The following GPC6 variants were observed in gnomAD, a reference collection of about 807,000 sequenced individuals.
GPC6 encodes the protein glypican 6.
In GPC6, 14 loss-of-function variants were observed where a neutral mutation model predicts 55.2. The observed-to-expected ratio is 0.25, with a 90% CI of 0.17 to 0.40. The LOEUF is 0.40. Among genes scored for constraint, GPC6 ranks in the 10% least tolerant of loss-of-function variants. GPC6 has a pLI of 1.00. For missense variants in GPC6, 641 were observed against 708.5 expected, an observed-to-expected ratio of 0.90 and a Z score of 1.08; for synonymous variants, 278 against 259.6, an observed-to-expected ratio of 1.07 and a Z score of -0.68.
intron 3 of GPC6, among the ~76,000 whole-genome samples, chr13:93,888,551 T>C (rs947924059): frequency 3.9e-5 from 6 of 152,128 alleles, no homozygotes; most frequent in African/African-American, 1.4e-4. Context: ...ATCATGTGGC[T>C]AGAATATGTA....
At chr13:93,779,652 C>T (rs575142658) in intron 2 of GPC6, among the ~76,000 whole-genome samples, 2 of 152,256 alleles carry the variant, frequency 1.3e-5, no homozygotes, top group African/African-American at 4.8e-5. Context: ...CTTATGTTAG[C>T]GTCGTATGTG....
At chr13:94,098,559 T>C (rs367974860) in intron 4 of GPC6, among the ~76,000 whole-genome samples, 2 of 152,178 alleles carry the variant, frequency 1.3e-5, no homozygotes, top group Admixed American at 6.5e-5. Context: ...GGGAAGCTTC[T>C]GATTCTCCAT....
rs372284542 is a variant in GPC6 at position 93,845,907 on chromosome 13, G to A, written c.711+15362G>A. Among the ~76,000 whole-genome samples the A allele has an allele frequency of 1.7e-3, 252 of 150,892 alleles. 7 individuals are homozygous for A. The East Asian group carries it at 0.042, about 25-fold the overall frequency. ...TAGATGACGAGTTAGTGGGTGCAGC[G>A]CACCAGCATGGCACATGTATACATA... is the stretch of plus-strand genomic sequence containing the variant. On this transcript the variant is annotated intron_variant, in intron 3 of 8. Coordinates refer to ENST00000377047, the MANE Select transcript of GPC6 (RefSeq NM_005708.5).
At chr13:93,541,797 A>G (rs1330152960) in intron 1 of GPC6, among the ~76,000 whole-genome samples, 6 of 149,856 alleles carry the variant, frequency 4.0e-5, no homozygotes, top group Non-Finnish European at 1.5e-5. Context: ...GCATTTTTTC[A>G]TGTGTTTTTT....
At chr13:93,993,090 T>C (rs982069925) in intron 3 of GPC6, among the ~76,000 whole-genome samples, 1 of 152,178 alleles carries the variant, frequency 6.6e-6, no homozygotes, top group African/African-American at 2.4e-5. Context: ...TTGATTAGAT[T>C]TTTTCCTTAC....
At chr13:93,678,217 G>A (rs1335085176) in intron 2 of GPC6, among the ~76,000 whole-genome samples, 1 of 152,014 alleles carries the variant, frequency 6.6e-6, no homozygotes, top group Non-Finnish European at 1.5e-5. Flanking sequence ...TTTCTAAGGT[G>A]GCTTTATCTC....
chr13:93,691,742 A>C (rs1882263666), intron 2 of GPC6, among the ~76,000 whole-genome samples: 1 of 152,072 alleles, frequency 6.6e-6, no homozygotes, highest in Admixed American at 6.6e-5. Flanking sequence ...CTGGAAGTTG[A>C]CATTGACTAT....
chr13:94,259,505 G>A (rs1278864037), intron 4 of GPC6, among the ~76,000 whole-genome samples: 1 of 152,054 alleles, frequency 6.6e-6, no homozygotes, highest in Non-Finnish European at 1.5e-5. Flanking sequence ...AGCTTTCATT[G>A]TACTTTTCAA....
intron 4 of GPC6, among the ~76,000 whole-genome samples, chr13:94,114,621 G>T (rs1235412098): frequency 6.6e-6 from 1 of 152,050 alleles, no homozygotes; most frequent in Non-Finnish European, 1.5e-5. Context: ...TATTCCTCAG[G>T]TGTACGTATA....
chr13:94,219,730 T>C (rs905360919), intron 4 of GPC6, among the ~76,000 whole-genome samples: 4 of 152,078 alleles, frequency 2.6e-5, no homozygotes, highest in Non-Finnish European at 5.9e-5. Context: ...CTCCCCTGAT[T>C]TGGGGTCTCG....
intron 1 of GPC6, among the ~76,000 whole-genome samples, chr13:93,437,844 A>G (rs2139283849): frequency 6.6e-6 from 1 of 152,352 alleles, no homozygotes; most frequent in Non-Finnish European, 1.5e-5. Flanking sequence ...AGAAGAAAAT[A>G]CCATGTAAGA....
At chr13:93,543,830 A>G (rs1401231406) in intron 1 of GPC6, among the ~76,000 whole-genome samples, 1 of 152,142 alleles carries the variant, frequency 6.6e-6, no homozygotes, top group African/African-American at 2.4e-5. Flanking sequence ...CTCTTCAGAT[A>G]AATGTCCAGG....
chr13:93,882,544 G>A (rs1875059155), intron 3 of GPC6, among the ~76,000 whole-genome samples: 1 of 151,938 alleles, frequency 6.6e-6, no homozygotes, highest in African/African-American at 2.4e-5. Flanking sequence ...GTTCTAGTCT[G>A]GAATTCCTTG....
intron 4 of GPC6, among the ~76,000 whole-genome samples, chr13:94,141,533 G>A (rs901715852): frequency 7.9e-5 from 12 of 152,188 alleles, no homozygotes; most frequent in African/African-American, 2.9e-4. Context: ...GAGGTATCAT[G>A]AGGCATGTCC....
intron 6 of GPC6, among the ~76,000 whole-genome samples, chr13:94,316,973 A>G (rs1407592841): frequency 2.6e-5 from 4 of 152,188 alleles, no homozygotes; most frequent in Non-Finnish European, 5.9e-5. Flanking sequence ...ATCACCAAGA[A>G]TTCACATTCT....
intron 2 of GPC6, among the ~76,000 whole-genome samples, chr13:93,778,433 C>A (rs904577820): frequency 6.6e-6 from 1 of 152,104 alleles, no homozygotes; most frequent in Admixed American, 6.6e-5. Flanking sequence ...CTAACTTGTT[C>A]AGCAAATAGT....
intron 1 of GPC6, among the ~76,000 whole-genome samples, chr13:93,398,011 A>C (rs1283664347): frequency 6.6e-6 from 1 of 152,138 alleles, no homozygotes; most frequent in Non-Finnish European, 1.5e-5. Context: ...TCCAATAGTA[A>C]ATTTGTTCTG....
At position 94,027,993 on chromosome 13, in the gene GPC6, A is replaced by G; in HGVS notation, c.877+99A>G. The G allele has an allele frequency of 1.8e-6, 2 of 1,089,324 alleles. No individual in the cohort carries two copies. The highest frequency in any genetic ancestry group is 1.8e-5 in the Admixed American group (1 of 55,840). The allele number at this position is 1,089,324 out of a possible 1,614,324, so 67.5% of individuals were successfully genotyped here. A position where few individuals can be genotyped will look rare whatever the true frequency, so the allele number is the denominator to read the frequency against. On this transcript the variant is annotated intron_variant, in intron 4 of 8. Coordinates refer to ENST00000377047, the MANE Select transcript of GPC6 (RefSeq NM_005708.5). ...TCAGAAGTTATAAGAAACCAGACAC[A>G]GTGGTTCACATCTGTAATCCCAGCA...
At chr13:93,673,222 G>T (rs1036943353) in intron 2 of GPC6, among the ~76,000 whole-genome samples, 1 of 152,108 alleles carries the variant, frequency 6.6e-6, no homozygotes, top group Non-Finnish European at 1.5e-5. Flanking sequence ...AGACCTCAGG[G>T]TCCTGCTCTC....
Sources: gnomAD v4.1 joint callset for allele counts (sites outside exome capture counted in the v4.1 genomes callset) on GRCh38, gnomAD v4.1.1 for gene constraint, MANE v1.5 for transcripts, NCBI Gene and HGNC (gene_info 2026-07-23, HGNC 2026-07-21) for gene names.